Variants in IPO7 observed in about 807,000 individuals in gnomAD.
IPO7 encodes importin-7.
IPO7 carries 13 observed loss-of-function variants against 136.4 expected under a neutral mutation model. That is an observed-to-expected ratio of 0.10 (90% CI 0.06 to 0.15). The LOEUF (loss-of-function observed/expected upper bound fraction) is 0.15. Ranked by LOEUF, IPO7 falls within the 10% of genes least tolerant of loss-of-function variation. The pLI, the probability that IPO7 is intolerant of heterozygous loss-of-function variation, is 1.00. For synonymous variants in IPO7, 403 were observed against 404.4 expected, an observed-to-expected ratio of 1.00 and a Z score of 0.04; for missense variants, 857 against 1,240.6, an observed-to-expected ratio of 0.69 and a Z score of 4.65.
intron 8 of IPO7, 52 bp from the exon 9 acceptor site, chr11:9,422,954 G>A: frequency 8.2e-7 from 1 of 1,218,172 alleles, no homozygotes; most frequent in Non-Finnish European, 1.1e-6. Flanking sequence ...GCTTGTAAGT[G>A]GTTGAAATTT....
intron 2 of IPO7, among the ~76,000 whole-genome samples, chr11:9,407,789 T>C (rs1854907794): frequency 1.3e-5 from 2 of 152,188 alleles, no homozygotes; most frequent in Admixed American, 6.5e-5. Context: ...TTACAGTACA[T>C]CTTACAGATT....
chr11:9,402,168 A>G (rs1590430528), intron 1 of IPO7, among the ~76,000 whole-genome samples: 1 of 152,202 alleles, frequency 6.6e-6, no homozygotes, highest in East Asian at 1.9e-4. Flanking sequence ...TTGGGAGGCC[A>G]AGGCGGGCAG....
At chr11:9,405,545 C>T (rs1220419361) in intron 2 of IPO7, among the ~76,000 whole-genome samples, 1 of 152,166 alleles carries the variant, frequency 6.6e-6, no homozygotes, top group Non-Finnish European at 1.5e-5. Flanking sequence ...ACCTCAGCCT[C>T]CTGAGTAGCT....
intron 1 of IPO7, among the ~76,000 whole-genome samples, chr11:9,398,545 T>G (rs1377039436): frequency 1.3e-5 from 2 of 152,364 alleles, no homozygotes; most frequent in Admixed American, 6.5e-5. Context: ...AGACACAGCA[T>G]GTACAAAGAC....
In IPO7 at chr11:9,397,187, A is replaced by C. The variant is rs145695566; in HGVS notation, c.85-6103A>C. Among the ~76,000 whole-genome samples, 99 of 150,558 alleles carry C rather than the reference A, an allele frequency of 6.6e-4. 2 individuals are homozygous for C. The highest frequency in any genetic ancestry group is 2.4e-3 in the African/African-American group (98 of 40,974). On this transcript the variant is annotated intron_variant, in intron 1 of 24. Coordinates refer to ENST00000379719, the MANE Select transcript of IPO7 (RefSeq NM_006391.3). The stretch of plus-strand genomic sequence containing the variant: ...CAGGCTGGAGTGGAGTGGTGTGATC[A>C]TAGCTCACTGCAGCCTCGAACTGCA...
chr11:9,417,621 T>G (rs1178386400), intron 6 of IPO7, among the ~76,000 whole-genome samples: 2 of 152,096 alleles, frequency 1.3e-5, no homozygotes, highest in African/African-American at 4.8e-5. Flanking sequence ...CTTGGTAGTT[T>G]TTAGTACATT....
chr11:9,393,737 T>TA (rs1280678867), intron 1 of IPO7, among the ~76,000 whole-genome samples: 1 of 152,104 alleles, frequency 6.6e-6, no homozygotes, highest in Non-Finnish European at 1.5e-5. Context: ...GAGCATGAAT[T>TA]ACTTTTGAAA....
chr11:9,399,138 G>T (rs1046425768), intron 1 of IPO7, among the ~76,000 whole-genome samples: 2 of 151,526 alleles, frequency 1.3e-5, no homozygotes, highest in Admixed American at 6.6e-5. Flanking sequence ...GACTAGGTTG[G>T]TGTTCATGGG....
intron 16 of IPO7, among the ~76,000 whole-genome samples, chr11:9,432,507 C>T (rs1032112964): frequency 6.6e-6 from 1 of 152,140 alleles, no homozygotes; most frequent in South Asian, 2.1e-4. Flanking sequence ...GCCACGTAAA[C>T]TGTTTTTGTA....
At chr11:9,430,843 G>A in intron 15 of IPO7, 32 bp from the exon 16 acceptor site, 1 of 1,601,740 alleles carries the variant, frequency 6.2e-7, no homozygotes, top group African/African-American at 1.3e-5. Context: ...ATGCTTCAGT[G>A]ACAAACTTGA....
At chr11:9,416,445 A>G (rs536612601) in intron 5 of IPO7, among the ~76,000 whole-genome samples, 46 of 152,316 alleles carry the variant, frequency 3.0e-4, no homozygotes, top group African/African-American at 1.1e-3. Flanking sequence ...TTTGAAAACT[A>G]TCATAGGGCA....
chr11:9,429,544 A>G (rs1855263298), intron 14 of IPO7, 130 bp from the exon 15 acceptor site: 1 of 577,928 alleles, frequency 1.7e-6, no homozygotes, highest in Non-Finnish European at 2.9e-6. Context: ...AAAAAGCCAT[A>G]ATCCTAGAAA....
chr11:9,437,691 T>C, intron 20 of IPO7, 63 bp from the exon 21 acceptor site: 1 of 1,222,650 alleles, frequency 8.2e-7, no homozygotes, highest in Non-Finnish European at 1.2e-6. Flanking sequence ...GAAGTTAATA[T>C]TTTTAGAATG....
intron 15 of IPO7, 75 bp downstream of exon 15, chr11:9,429,909 T>C (rs1042548726): frequency 9.0e-7 from 1 of 1,114,494 alleles, no homozygotes. Context: ...GTGTCACCAG[T>C]GGCTTGCCTT....
chr11:9,404,670 G>A (rs544007938), intron 2 of IPO7, among the ~76,000 whole-genome samples: 6 of 145,768 alleles, frequency 4.1e-5, no homozygotes, highest in South Asian at 2.2e-4. Flanking sequence ...TGTTCACGCC[G>A]TTCTTCTGCC....
At chr11:9,430,709 G>A (rs1285381977) in intron 15 of IPO7, 166 bp from the exon 16 acceptor site, 5 of 609,692 alleles carry the variant, frequency 8.2e-6, no homozygotes, top group Non-Finnish European at 1.4e-5. Context: ...CCAATGAGCA[G>A]ACTATTTGAT....
intron 16 of IPO7, 32 bp from the exon 17 acceptor site, chr11:9,433,538 A>T (rs1359870830): frequency 6.6e-7 from 1 of 1,511,792 alleles, no homozygotes. Flanking sequence ...AGTAGGCTGT[A>T]ACTGCATATG....
intron 1 of IPO7, among the ~76,000 whole-genome samples, chr11:9,393,179 T>C (rs1420471468): frequency 6.6e-6 from 1 of 152,094 alleles, no homozygotes; most frequent in African/African-American, 2.4e-5. Context: ...AAAAGTGATA[T>C]TCTTCTGCAG....
chr11:9,412,927 G>C (rs1217804412), intron 4 of IPO7, among the ~76,000 whole-genome samples: 1 of 127,414 alleles, frequency 7.8e-6, no homozygotes, highest in Non-Finnish European at 1.6e-5. Context: ...GTCTCTCTCT[G>C]TTGCCTAGGC....
Sources: allele counts gnomAD v4.1 joint callset (sites outside exome capture counted in the v4.1 genomes callset), GRCh38; gene constraint gnomAD v4.1.1; transcripts MANE v1.5; gene names NCBI Gene and HGNC (gene_info 2026-07-23, HGNC 2026-07-21).